LMX1A: variants seen among roughly 807,000 people sequenced by gnomAD.
LMX1A encodes LIM homeobox transcription factor 1-alpha.
A neutral mutation model predicts 49.1 loss-of-function variants in LMX1A; 15 were observed. That is an observed-to-expected ratio of 0.31 (90% CI 0.20 to 0.47). The LOEUF (loss-of-function observed/expected upper bound fraction) is 0.47, where lower values mean the gene tolerates loss of function less well. Ranked by LOEUF, LMX1A falls within the 20% of genes least tolerant of loss-of-function variation. The pLI, the probability that LMX1A is intolerant of heterozygous loss-of-function variation, is 1.00. For synonymous variants in LMX1A, 167 were observed against 185.7 expected (o/e 0.90, Z 0.82); for missense variants, 372 against 475.8 (o/e 0.78, Z 2.03).
intron 3 of LMX1A, among the ~76,000 whole-genome samples, chr1:165,289,739 A>G (rs1339591942): frequency 6.6e-6 from 1 of 152,228 alleles, no homozygotes; most frequent in African/African-American, 2.4e-5. Flanking sequence ...CCAGGGCTTC[A>G]TTATTCATCT....
intron 3 of LMX1A, among the ~76,000 whole-genome samples, chr1:165,265,567 T>C (rs1180823527): frequency 6.6e-6 from 1 of 152,168 alleles, no homozygotes; most frequent in Non-Finnish European, 1.5e-5. Context: ...CCCTGAGCCC[T>C]GCACGTCTTT....
At chr1:165,208,291 C>T (rs941784422) in intron 6 of LMX1A, among the ~76,000 whole-genome samples, 159 bp from the exon 7 acceptor site, 3 of 152,188 alleles carry the variant, frequency 2.0e-5, no homozygotes, top group African/African-American at 7.2e-5. Flanking sequence ...GCCCCATATG[C>T]GAGAAGCATT....
At chr1:165,281,020 C>T (rs977780525) in intron 3 of LMX1A, among the ~76,000 whole-genome samples, 1 of 152,118 alleles carries the variant, frequency 6.6e-6, no homozygotes, top group East Asian at 1.9e-4. Flanking sequence ...GGCACCATCC[C>T]ACCCCAGAAC....
intron 3 of LMX1A, among the ~76,000 whole-genome samples, chr1:165,271,150 T>C (rs1441380037): frequency 6.6e-6 from 1 of 152,222 alleles, no homozygotes; most frequent in Admixed American, 6.5e-5. Flanking sequence ...GGTCCTGTTA[T>C]GGCCAAAGAG....
chr1:165,230,424 T>C (rs1266366942), intron 4 of LMX1A, among the ~76,000 whole-genome samples: 7 of 152,218 alleles, frequency 4.6e-5, no homozygotes, highest in Admixed American at 4.6e-4. Context: ...CAGTTTGCTA[T>C]CTAGATAGTA....
intron 3 of LMX1A, among the ~76,000 whole-genome samples, chr1:165,304,367 G>T (rs1654866555): frequency 6.6e-6 from 1 of 152,160 alleles, no homozygotes; most frequent in African/African-American, 2.4e-5. Flanking sequence ...ATGAGAGTTG[G>T]TTCAGGCTTC....
intron 5 of LMX1A, among the ~76,000 whole-genome samples, chr1:165,211,827 C>T (rs1020046388): frequency 6.6e-6 from 1 of 152,146 alleles, no homozygotes; most frequent in Non-Finnish European, 1.5e-5. Flanking sequence ...ACCAAAGTGA[C>T]CTTTCCCTTC....
chr1:165,220,225 T>C (rs994056543), intron 4 of LMX1A, among the ~76,000 whole-genome samples: 1 of 151,826 alleles, frequency 6.6e-6, no homozygotes, highest in Non-Finnish European at 1.5e-5. Flanking sequence ...TAAAAGATAC[T>C]AAAGTATATT....
At chr1:165,325,578 A>G (rs1163832121) in intron 3 of LMX1A, among the ~76,000 whole-genome samples, 1 of 152,170 alleles carries the variant, frequency 6.6e-6, no homozygotes, top group Non-Finnish European at 1.5e-5. Context: ...GAGAGAGAAC[A>G]GAGCATCCTC....
At chr1:165,226,597 C>T (rs573769088) in intron 4 of LMX1A, among the ~76,000 whole-genome samples, 69 of 152,266 alleles carry the variant, frequency 4.5e-4, no homozygotes, top group African/African-American at 1.1e-3. Context: ...AGCTGAGCTT[C>T]GGGAATCATA....
chr1:165,328,893 C>A (rs1655660616), intron 3 of LMX1A, among the ~76,000 whole-genome samples: 1 of 152,188 alleles, frequency 6.6e-6, no homozygotes, highest in African/African-American at 2.4e-5. Context: ...GCAGAAATCT[C>A]AAAATACAAA....
intron 3 of LMX1A, among the ~76,000 whole-genome samples, chr1:165,284,371 C>A (rs1222541922): frequency 6.6e-6 from 1 of 152,192 alleles, no homozygotes; most frequent in African/African-American, 2.4e-5. Context: ...TACCTTGGCT[C>A]CATGCGTGTT....
intron 3 of LMX1A, among the ~76,000 whole-genome samples, chr1:165,339,157 T>C (rs1380315014): frequency 6.6e-6 from 1 of 152,208 alleles, no homozygotes; most frequent in Non-Finnish European, 1.5e-5. Flanking sequence ...TGTTATCCAC[T>C]AGTCACCCTA....
rs1656585478 is a variant in LMX1A, at chr1:165,355,680, G to A, written c.-22-99C>T. On this transcript the variant is annotated intron_variant, in intron 1 of 8. Coordinates refer to ENST00000342310, the MANE Select transcript of LMX1A (RefSeq NM_177398.4). This position sits in a 1 kb window ranked among gnomAD's most constrained non-coding sequence, Gnocchi z 4.7. ...TGGGAAAGAACTGAGGGAGTGTCCA[G>A]GGCGACCAGAATCAGCCAGGAGGAT... 2.3e-6 allele frequency: 2 copies of A among 863,670 alleles called. No homozygotes were observed. Among genetic ancestry groups the A allele is most frequent in the Non-Finnish European group, 3.7e-6 (2 of 537,600 alleles). The allele number at this position is 863,670 out of a possible 1,614,324, so 53.5% of individuals were successfully genotyped here.
intron 3 of LMX1A, among the ~76,000 whole-genome samples, chr1:165,292,072 A>C (rs1405403374): frequency 6.6e-6 from 1 of 151,394 alleles, no homozygotes; most frequent in African/African-American, 2.4e-5. Flanking sequence ...AAAAAAAAAA[A>C]AAAAAAAAAA....
At chr1:165,321,433 C>A (rs1225568141) in intron 3 of LMX1A, among the ~76,000 whole-genome samples, 1 of 152,124 alleles carries the variant, frequency 6.6e-6, no homozygotes, top group East Asian at 1.9e-4. Flanking sequence ...AAAACTACTA[C>A]TAAAAAAATA....
At chr1:165,262,206 T>A (rs1029499883) in intron 3 of LMX1A, among the ~76,000 whole-genome samples, 1 of 152,170 alleles carries the variant, frequency 6.6e-6, no homozygotes, top group Non-Finnish European at 1.5e-5. Flanking sequence ...AGTACATGGA[T>A]TCTATTGGTG....
At chr1:165,247,529 A>T (rs533541128) in intron 4 of LMX1A, among the ~76,000 whole-genome samples, 1 of 152,174 alleles carries the variant, frequency 6.6e-6, no homozygotes, top group Non-Finnish European at 1.5e-5. Context: ...CCTCAAATCA[A>T]AATAAATCCA....
intron 3 of LMX1A, among the ~76,000 whole-genome samples, chr1:165,316,558 C>T (rs1209334072): frequency 1.3e-5 from 2 of 152,172 alleles, no homozygotes; most frequent in Non-Finnish European, 2.9e-5. Flanking sequence ...TGCAGGGAGG[C>T]GCTGGGCAGG....
Sources: allele counts gnomAD v4.1 joint callset (sites outside exome capture counted in the v4.1 genomes callset), GRCh38; gene constraint gnomAD v4.1.1; non-coding constraint Gnocchi (gnomAD v3.1); transcripts MANE v1.5; gene names NCBI Gene and HGNC (gene_info 2026-07-23, HGNC 2026-07-21).